C7: variants seen among roughly 807,000 people sequenced by gnomAD.
C7 encodes the protein complement C7, also known as complement component C7.
C7 carries 83 observed loss-of-function variants against 104.8 expected under a neutral mutation model. The ratio of observed to expected loss-of-function variants is 0.79; its 90% confidence interval spans 0.66 to 0.95. The LOEUF is 0.95. Ranked by LOEUF, C7 falls within the 40% of genes least tolerant of loss-of-function variation. The probability of loss-of-function intolerance (pLI) is 0.00; values close to 1 mark genes in which losing one functional copy is unlikely to be tolerated. For missense variants in C7, 1,070 were observed against 1,011.2 expected (o/e 1.06, Z -0.79); for synonymous variants, 415 against 360.6 (o/e 1.15, Z -1.71).
rs544674133 is a variant in C7 at position 40,918,429 on chromosome 5, GTAGT to G, written c.6+8814_6+8817del. On this transcript the variant is annotated intron_variant, in intron 1 of 17. Transcript: ENST00000313164. ...ACAACAACAACATAACAAAATGGCA[GTAGT>G]AAGTCCTTATCTATCAATAATTACC... 1.5e-3 allele frequency among the ~76,000 whole-genome samples: 221 copies of G among 152,112 alleles called. 3 individuals are homozygous for G. Among genetic ancestry groups the G allele is most frequent in the African/African-American group, 4.8e-3 (201 of 41,528 alleles).
chr5:40,975,052 A>G (rs1358301237), intron 15 of C7, among the ~76,000 whole-genome samples: 4 of 152,176 alleles, frequency 2.6e-5, no homozygotes, highest in Non-Finnish European at 5.9e-5. Flanking sequence ...GGGGGACAAA[A>G]CTGCCCCTGG....
chr5:40,951,766 C>A (rs1484381885), intron 9 of C7, among the ~76,000 whole-genome samples: 1 of 152,058 alleles, frequency 6.6e-6, no homozygotes, highest in African/African-American at 2.4e-5. Flanking sequence ...TGGACACTGA[C>A]CCATGTGTCA....
intron 17 of C7, among the ~76,000 whole-genome samples, chr5:40,980,788 G>A (rs2111734867): frequency 6.6e-6 from 1 of 152,292 alleles, no homozygotes; most frequent in Non-Finnish European, 1.5e-5. Context: ...ACAGACTGAT[G>A]ACATACATAT....
chr5:40,929,389 C>T (rs192403309), intron 2 of C7, among the ~76,000 whole-genome samples: 1 of 152,282 alleles, frequency 6.6e-6, no homozygotes, highest in Admixed American at 6.5e-5. Flanking sequence ...AGAAAAATAA[C>T]AGTAAGTTCA....
rs121964921 is a variant in C7 at position 40,955,428 on chromosome 5, G to A, written c.1135G>A (p.Gly379Arg). 3.7e-6 allele frequency: 6 copies of A among 1,612,044 alleles called. No homozygotes were observed. The highest frequency in any genetic ancestry group is 3.4e-5 in the Admixed American group (2 of 59,660). ...ATTGCGAGGAGAACCGTTCATCAGA[G>A]GGGGAGGTGCAGGCTTCATATCTGG... The part of the protein sequence containing the change: ...NVLRGEPFIR[G>R]GGAGFISGLS... Residue 379 changes from glycine to arginine, a missense_variant, in exon 10 of 18, where the codon GGG (glycine) becomes AGG (arginine). Transcript: ENST00000313164.
chr5:40,948,306 A>T (rs1310298467), intron 8 of C7, among the ~76,000 whole-genome samples: 1 of 152,162 alleles, frequency 6.6e-6, no homozygotes, highest in Non-Finnish European at 1.5e-5. Flanking sequence ...TACTTGTAAC[A>T]ATAGCTTAAA....
chr5:40,949,373 A>G (rs552925544), intron 8 of C7, among the ~76,000 whole-genome samples: 1 of 150,324 alleles, frequency 6.7e-6, no homozygotes, highest in Admixed American at 6.6e-5. Context: ...AAAAAAAAAA[A>G]CACAAAAAAC....
chr5:40,981,544 A>G lies in C7; in HGVS notation c.2503A>G (p.Ile835Val). The G allele has an allele frequency of 6.2e-7, 1 of 1,613,356 alleles. No individual in the cohort carries two copies. The highest frequency in any genetic ancestry group is 2.2e-5 in the East Asian group (1 of 44,858). Residue 835 changes from isoleucine (I) to valine (V), a missense_variant, in exon 18 of 18, where the codon ATA becomes GTA. By Grantham distance (29) the Ile-to-Val change is conservative. Transcript: ENST00000313164. ...AGGGCAGAGCATCTCTGTCACCAGC[A>G]TAAGGCCTTGTGCTGCGGAAACCCA... ...CRGQSISVTS[I>V]RPCAAETQ
At chr5:40,944,989 TGTTG>T (rs777392837) in intron 6 of C7, among the ~76,000 whole-genome samples, 12 of 152,200 alleles carry the variant, frequency 7.9e-5, no homozygotes, top group Non-Finnish European at 1.5e-4. Flanking sequence ...GGATTGCCAT[TGTTG>T]GTACCATGTG....
chr5:40,965,191 C>A (rs780314361), intron 14 of C7, among the ~76,000 whole-genome samples: 1 of 152,186 alleles, frequency 6.6e-6, no homozygotes, highest in Non-Finnish European at 1.5e-5. Flanking sequence ...GTACCACAAT[C>A]AATCAACTTT....
chr5:40,947,780 C>G lies in C7; in HGVS notation c.917C>G (p.Ser306Cys). The change falls in exon 8 of 18, where the codon TCT becomes TGT. Residue 306 changes from serine to cysteine, a missense_variant. By Grantham distance (112) the Ser-to-Cys change is moderately radical (BLOSUM62 -1). Transcript: ENST00000313164. ...CAGTACGGGACACATTATCTGCAATCTGGGTCGTTAGGAGGAGAATACAGA... is the reference window on the plus strand; with the variant it reads ...CAGTACGGGACACATTATCTGCAATGTGGGTCGTTAGGAGGAGAATACAGA... ...IDQYGTHYLQ[S>C]GSLGGEYRVL... 2 of 1,613,400 alleles carry G rather than the reference C, an allele frequency of 1.2e-6. No homozygotes were observed. The highest frequency in any genetic ancestry group is 1.7e-6 in the Non-Finnish European group (2 of 1,179,462).
chr5:40,927,503 G>A (rs1369659905), intron 1 of C7, among the ~76,000 whole-genome samples: 2 of 151,796 alleles, frequency 1.3e-5, no homozygotes, highest in Non-Finnish European at 2.9e-5. Flanking sequence ...TCAAGAAGAA[G>A]CTAATATCAA....
intron 15 of C7, 79 bp downstream of exon 15, chr5:40,972,673 T>G: frequency 8.8e-7 from 1 of 1,131,512 alleles, no homozygotes; most frequent in Admixed American, 2.2e-5. Flanking sequence ...CATGGTACTG[T>G]ATCACCATAG....
chr5:40,958,050 G>T lies in C7; in HGVS notation c.1278G>T (p.Glu426Asp). 6.2e-7 allele frequency: 1 copy of T among 1,611,956 alleles called. No individual in the cohort carries two copies. The highest frequency in any genetic ancestry group is 8.5e-7 in the Non-Finnish European group (1 of 1,178,430). The change falls in exon 11 of 18, where the codon GAG (glutamate) becomes GAT (aspartate). Residue 426 changes from glutamate (E) to aspartate (D), a missense_variant. Transcript: ENST00000313164. ...VIKQKLTPLY[E>D]LVKEVPCASV... The stretch of plus-strand genomic sequence containing the variant: ...CTCTATAGCTGACACCTTTATATGA[G>T]CTGGTAAAGGAAGTACCTTGTGCCT...
Position 40,955,468 on chromosome 5 carries a change from AG to A in C7, c.1176del (p.Glu392AspfsTer19). On this transcript the variant is annotated frameshift_variant, in exon 10 of 18. Coordinates refer to ENST00000313164, the MANE Select transcript of C7 (RefSeq NM_000587.4). LOFTEE classifies it high-confidence loss of function. ...TTCATATCTGGCCTTAGTTACCTAG[AG>A]CTGGACAATCCTGCTGGAAACAAAA... ...AGFISGLSYL[E>X]LDNPAGNKRR... 1 of 1,613,520 alleles carries A rather than the reference AG, an allele frequency of 6.2e-7. No individual in the cohort carries two copies. Among genetic ancestry groups the A allele is most frequent in the Non-Finnish European group, 8.5e-7 (1 of 1,179,628 alleles).
intron 1 of C7, chr5:40,910,947 C>T (rs1739194581): frequency 6.6e-6 from 1 of 151,984 alleles, no homozygotes; most frequent in Admixed American, 6.6e-5. Context: ...TGCTTAAAAA[C>T]ATGTTTACAA....
chr5:40,971,347 CA>C (rs1461430395), intron 14 of C7, among the ~76,000 whole-genome samples: 31 of 152,306 alleles, frequency 2.0e-4, no homozygotes, highest in African/African-American at 7.2e-4. Context: ...TGATGATGAG[CA>C]TTTTTTCATA....
chr5:40,955,351 A>C, intron 9 of C7, 36 bp from the exon 10 acceptor site: 1 of 1,554,534 alleles, frequency 6.4e-7, no homozygotes, highest in South Asian at 1.3e-5. Context: ...AATACTTGAT[A>C]GACTTTTCAC....
At chr5:40,930,872 T>C (rs543028166) in intron 2 of C7, among the ~76,000 whole-genome samples, 192 bp from the exon 3 acceptor site, 1 of 152,260 alleles carries the variant, frequency 6.6e-6, no homozygotes, top group Admixed American at 6.5e-5. Flanking sequence ...GCATAATAGA[T>C]GTTTATTAAG....
Sources: allele counts gnomAD v4.1 joint callset (sites outside exome capture counted in the v4.1 genomes callset), GRCh38; gene constraint gnomAD v4.1.1; transcripts MANE v1.5; gene names NCBI Gene and HGNC (gene_info 2026-07-23, HGNC 2026-07-21).